The following GRM5 variants were observed in gnomAD, a reference collection of about 807,000 sequenced individuals.
The protein encoded by GRM5 is glutamate metabotropic receptor 5, also known as metabotropic glutamate receptor 5.
GRM5 carries 19 observed loss-of-function variants against 83.1 expected under a neutral mutation model. The ratio of observed to expected loss-of-function variants is 0.23; its 90% CI spans 0.16 to 0.34. The LOEUF is 0.34. Ranked by LOEUF, GRM5 falls within the 10% of genes least tolerant of loss-of-function variation. The probability of loss-of-function intolerance (pLI) is 1.00; values close to 1 mark genes in which losing one functional copy is unlikely to be tolerated. For missense variants in GRM5, 1,160 were observed against 1,588.3 expected (o/e 0.73, Z 4.58); for synonymous variants, 675 against 633.6 (o/e 1.07, Z -0.98).
At chr11:89,065,061 T>C (rs1008411861) in intron 1 of GRM5, among the ~76,000 whole-genome samples, 1 of 151,478 alleles carries the variant, frequency 6.6e-6, no homozygotes, top group Non-Finnish European at 1.5e-5. Flanking sequence ...AGGTGTACCA[T>C]CTTTACATGA....
At chr11:88,713,607 A>G (rs979938280) in intron 3 of GRM5, among the ~76,000 whole-genome samples, 1 of 152,010 alleles carries the variant, frequency 6.6e-6, no homozygotes, top group Admixed American at 6.6e-5. Flanking sequence ...GGGTGGAGGC[A>G]TGTTTTCTTG....
intron 2 of GRM5, among the ~76,000 whole-genome samples, chr11:88,960,576 T>A (rs1479547221): frequency 3.3e-5 from 5 of 152,260 alleles, no homozygotes; most frequent in Non-Finnish European, 7.4e-5. Flanking sequence ...CATTAGATAG[T>A]CTTAAGAATA....
chr11:88,912,924 T>C (rs1945523969), intron 2 of GRM5, among the ~76,000 whole-genome samples: 1 of 152,208 alleles, frequency 6.6e-6, no homozygotes, highest in South Asian at 2.1e-4. Flanking sequence ...TCTACATACA[T>C]GAGCATGGAA....
chr11:88,941,333 A>T (rs1264402702), intron 2 of GRM5, among the ~76,000 whole-genome samples: 1 of 151,438 alleles, frequency 6.6e-6, no homozygotes, highest in African/African-American at 2.4e-5. Context: ...AATGGAACAT[A>T]ACACATTTGA....
chr11:89,007,171 G>A (rs1467279148), intron 2 of GRM5, among the ~76,000 whole-genome samples: 3 of 152,150 alleles, frequency 2.0e-5, no homozygotes, highest in African/African-American at 7.2e-5. Flanking sequence ...CCCTATCATA[G>A]GATCTCCCAG....
intron 3 of GRM5, among the ~76,000 whole-genome samples, chr11:88,681,769 C>T (rs1418126154): frequency 6.6e-6 from 1 of 151,366 alleles, no homozygotes; most frequent in African/African-American, 2.4e-5. Context: ...CGTGGTTTCA[C>T]CATGTTGGCC....
intron 3 of GRM5, among the ~76,000 whole-genome samples, chr11:88,688,587 TAGAG>T (rs1940704228): frequency 6.6e-6 from 1 of 152,168 alleles, no homozygotes; most frequent in Non-Finnish European, 1.5e-5. Context: ...TTAAGGTACA[TAGAG>T]AGATCTGGCT....
At chr11:88,773,205 GA>G (rs1162987231) in intron 3 of GRM5, among the ~76,000 whole-genome samples, 2 of 152,170 alleles carry the variant, frequency 1.3e-5, no homozygotes, top group Admixed American at 6.5e-5. Flanking sequence ...GGCCAGTGAT[GA>G]TGAGCATTTT....
chr11:88,738,594 C>T (rs1056935738), intron 3 of GRM5, among the ~76,000 whole-genome samples: 2 of 152,052 alleles, frequency 1.3e-5, no homozygotes, highest in African/African-American at 4.8e-5. Context: ...CTGTGGAATA[C>T]TTCTTCTCTT....
At chr11:88,828,501 A>G (rs963907580) in intron 3 of GRM5, among the ~76,000 whole-genome samples, 14 of 152,216 alleles carry the variant, frequency 9.2e-5, no homozygotes, top group Admixed American at 7.9e-4. Flanking sequence ...CAATATAAGA[A>G]GAAGAAAATA....
In GRM5 at chr11:89,047,099, C is replaced by A. The variant is rs546634038; in HGVS notation, c.661+113G>T. The A allele has an allele frequency of 9.9e-6, 8 of 808,764 alleles. No individual in the cohort carries two copies. The highest frequency in any genetic ancestry group is 1.4e-5 in the Non-Finnish European group (7 of 500,972). The allele number at this position is 808,764 out of a possible 1,614,324, so 50.1% of individuals were successfully genotyped here. The stretch of plus-strand genomic sequence containing the variant: ...CTGTTCTTATAGTACTGGTATAACT[C>A]GGACAATTCAAAATATCCAAAATAA... On this transcript the variant is annotated intron_variant, in intron 2 of 9. Transcript: ENST00000305447. This position sits in a 1 kb window ranked among gnomAD's most constrained non-coding sequence, Gnocchi z 5.1.
rs139646383 is a variant in GRM5, at chr11:88,555,817, C to T, written c.2630+11236G>A. ...AAACATAAGCGCACACATACCTCAC[C>T]AAATACAGCTTCATATTATATGATG... On this transcript the variant is annotated intron_variant, in intron 8 of 9. Coordinates refer to ENST00000305447, the MANE Select transcript of GRM5 (RefSeq NM_001143831.3). 6.4e-4 allele frequency among the ~76,000 whole-genome samples: 97 copies of T among 152,200 alleles called. 1 individual carries two copies. Among genetic ancestry groups the T allele is most frequent in the Non-Finnish European group, 1.3e-3 (85 of 67,996 alleles).
chr11:88,786,509 A>T (rs1022710967), intron 3 of GRM5, among the ~76,000 whole-genome samples: 1 of 152,094 alleles, frequency 6.6e-6, no homozygotes, highest in Non-Finnish European at 1.5e-5. Flanking sequence ...CTTTCAACTC[A>T]TCTCAGCCAA....
chr11:89,001,328 T>G (rs1431092581), intron 2 of GRM5, among the ~76,000 whole-genome samples: 1 of 152,154 alleles, frequency 6.6e-6, no homozygotes, highest in Non-Finnish European at 1.5e-5. Flanking sequence ...TCAGGCATCC[T>G]TCAATTGGTC....
chr11:88,719,070 T>C (rs905849777), intron 3 of GRM5, among the ~76,000 whole-genome samples: 3 of 152,030 alleles, frequency 2.0e-5, no homozygotes, highest in Admixed American at 6.6e-5. Context: ...ACATACTTTT[T>C]TTTTTAACTT....
intron 2 of GRM5, among the ~76,000 whole-genome samples, chr11:88,853,367 G>T (rs35218605): frequency 0.41 from 62,473 of 151,806 alleles, 13,009 homozygotes; most frequent in East Asian, 0.5. Flanking sequence ...TGCAGGGAAA[G>T]TTGTTGGGAA....
intron 3 of GRM5, among the ~76,000 whole-genome samples, chr11:88,685,797 G>A (rs1008413555): frequency 6.6e-6 from 1 of 152,238 alleles, no homozygotes; most frequent in Non-Finnish European, 1.5e-5. Flanking sequence ...GAGACTGCAG[G>A]TGGACAGAAG....
At chr11:88,931,062 A>G (rs1283304719) in intron 2 of GRM5, among the ~76,000 whole-genome samples, 1 of 68,182 alleles carries the variant, frequency 1.5e-5, no homozygotes, top group African/African-American at 5.1e-5. Flanking sequence ...AATGGAGGAC[A>G]TTCTTTTAAT....
intron 2 of GRM5, among the ~76,000 whole-genome samples, chr11:88,993,280 A>AAAAAAG: frequency 6.7e-6 from 1 of 150,144 alleles, no homozygotes; most frequent in Non-Finnish European, 1.5e-5. Context: ...AAAAAAAAAA[A>AAAAAAG]AAAGACAAGT....
Sources: gnomAD v4.1 joint callset for allele counts (sites outside exome capture counted in the v4.1 genomes callset) on GRCh38, gnomAD v4.1.1 for gene constraint, Gnocchi (gnomAD v3.1) non-coding constraint, MANE v1.5 for transcripts, NCBI Gene and HGNC (gene_info 2026-07-23, HGNC 2026-07-21) for gene names.